HMGCL: variants seen among roughly 807,000 people sequenced by gnomAD.
HMGCL encodes the protein 3-hydroxy-3-methylglutaryl-CoA lyase.
HMGCL carries 26 observed loss-of-function variants against 37.3 expected under a neutral mutation model. The ratio of observed to expected loss-of-function variants is 0.70; its 90% CI spans 0.51 to 0.97. The LOEUF is 0.97. Among genes scored for constraint, HMGCL ranks in the 50% least tolerant of loss-of-function variants. The pLI is 0.00. For synonymous variants in HMGCL, 151 were observed against 148.0 expected, an observed-to-expected ratio of 1.02 and a Z score of -0.15; for missense variants, 379 against 398.1, an observed-to-expected ratio of 0.95 and a Z score of 0.41.
intron 5 of HMGCL, among the ~76,000 whole-genome samples, chr1:23,811,492 T>C (rs1436727449): frequency 2.6e-5 from 4 of 151,954 alleles, no homozygotes; most frequent in African/African-American, 4.8e-5. Flanking sequence ...TGGGAAATGA[T>C]AGGAACAAGT....
At chr1:23,822,400 C>T (rs1480838389) in intron 1 of HMGCL, among the ~76,000 whole-genome samples, 1 of 152,168 alleles carries the variant, frequency 6.6e-6, no homozygotes, top group Non-Finnish European at 1.5e-5. Context: ...TCAAGTAACA[C>T]AATACTTTTT....
At chr1:23,814,461 C>A in intron 4 of HMGCL, 123 bp from the exon 5 acceptor site, 1 of 1,121,106 alleles carries the variant, frequency 8.9e-7, no homozygotes, top group South Asian at 1.3e-5. Context: ...ACCTCCACCT[C>A]CTGGGTTCAA....
chr1:23,814,079 G>T, intron 5 of HMGCL, 111 bp downstream of exon 5: 1 of 1,152,930 alleles, frequency 8.7e-7, no homozygotes, highest in Non-Finnish European at 1.3e-6. Flanking sequence ...GTGGAGCTCA[G>T]GCTGCCCCCA....
chr1:23,818,037 A>G (rs1332194136), intron 2 of HMGCL, among the ~76,000 whole-genome samples: 1 of 152,232 alleles, frequency 6.6e-6, no homozygotes, highest in African/African-American at 2.4e-5. Flanking sequence ...AACATGGCAT[A>G]GTCTCAAGCC....
intron 2 of HMGCL, among the ~76,000 whole-genome samples, chr1:23,819,603 C>A (rs934675789): frequency 1.3e-5 from 2 of 151,984 alleles, no homozygotes; most frequent in South Asian, 2.1e-4. Context: ...GTGGCAGGGG[C>A]CTGTAATCCT....
At chr1:23,804,271 T>C (rs1385913765) in intron 8 of HMGCL, 129 bp downstream of exon 8, 2 of 1,151,956 alleles carry the variant, frequency 1.7e-6, no homozygotes, top group Admixed American at 1.9e-5. Flanking sequence ...CCACTGCGCC[T>C]GGCTAACCCT....
intron 5 of HMGCL, 163 bp downstream of exon 5, chr1:23,814,027 G>A (rs533933821): frequency 3.3e-4 from 257 of 774,272 alleles, no homozygotes; most frequent in Non-Finnish European, 4.9e-4. Context: ...TACTTCCTAG[G>A]ATTTCTTCTG....
chr1:23,805,654 C>T (rs927642960), intron 7 of HMGCL, among the ~76,000 whole-genome samples: 34 of 152,126 alleles, frequency 2.2e-4, no homozygotes, highest in Non-Finnish European at 2.9e-5. Context: ...CCTGAGGCCT[C>T]GATCCAGTCT....
At chr1:23,813,866 T>C (rs549596291) in intron 5 of HMGCL, 2 of 399,574 alleles carry the variant, frequency 5.0e-6, no homozygotes, top group South Asian at 4.4e-5. Flanking sequence ...TCCTTTAGCA[T>C]GATAGCAGTG....
At position 23,806,004 on chromosome 1, in the gene HMGCL, C is replaced by T. The variant is rs893115284; in HGVS notation, c.751-1479G>A. Among the ~76,000 whole-genome samples the T allele has an allele frequency of 2.6e-5, 4 of 151,906 alleles. No homozygotes were observed. The highest frequency in any genetic ancestry group is 9.7e-5 in the African/African-American group (4 of 41,334). ...TTGCCTAGGCTGGAGTGCACTGGCG[C>T]CATCTCAGCTCACTGCAAATCACTG... On this transcript the variant is annotated intron_variant, in intron 7 of 8. Transcript: ENST00000374490. This position sits in a 1 kb window ranked among gnomAD's most constrained non-coding sequence, Gnocchi z 4.0.
rs1638415331 is a variant in HMGCL, at chr1:23,806,606, G to A, written c.750+1529C>T. 4.4e-6 allele frequency: 1 copy of A among 228,832 alleles called. No individual in the cohort carries two copies. The highest frequency in any genetic ancestry group is 5.2e-5 in the Admixed American group (1 of 19,212). The allele number at this position is 228,832 out of a possible 1,614,324, so 14.2% of individuals were successfully genotyped here. A position where few individuals can be genotyped will look rare whatever the true frequency, so the allele number is the denominator to read the frequency against. On this transcript the variant is annotated intron_variant, in intron 7 of 8. Coordinates refer to ENST00000374490, the MANE Select transcript of HMGCL (RefSeq NM_000191.3). This position sits in a 1 kb window ranked among gnomAD's most constrained non-coding sequence, Gnocchi z 4.0. ...ACCTTCTGAGTGAGGCCACTCTACA[G>A]AAAGGCCTGGCACTGCCTTAACCTG...
At position 23,816,475 on chromosome 1, in the gene HMGCL, T is replaced by G. The variant is rs1557491753; in HGVS notation, c.348+200A>C. 6 of 661,316 alleles carry G rather than the reference T, an allele frequency of 9.1e-6. No individual in the cohort carries two copies. The Admixed American group carries it at 1.1e-4, about 13-fold the overall frequency. The allele number at this position is 661,316 out of a possible 1,614,324, so 41.0% of individuals were successfully genotyped here. A position where few individuals can be genotyped will look rare whatever the true frequency, so the allele number is the denominator to read the frequency against. The stretch of plus-strand genomic sequence containing the variant: ...GCTCACAACTTCAGGTACTATCATT[T>G]AGCCCTATTTTATAGGCTTGTCAAC... On this transcript the variant is annotated intron_variant, in intron 4 of 8. Coordinates refer to ENST00000374490, the MANE Select transcript of HMGCL (RefSeq NM_000191.3).
intron 1 of HMGCL, among the ~76,000 whole-genome samples, chr1:23,824,892 A>C (rs1251674041): frequency 2.6e-5 from 4 of 152,204 alleles, no homozygotes; most frequent in Non-Finnish European, 5.9e-5. Flanking sequence ...ATTCCAAGGG[A>C]ATCACAGCTT....
At chr1:23,817,417 G>T in intron 3 of HMGCL, 59 bp downstream of exon 3, 1 of 1,011,072 alleles carries the variant, frequency 9.9e-7, no homozygotes, top group Non-Finnish European at 1.6e-6. Context: ...TTGCTTCAAA[G>T]GCAAATGCAA....
chr1:23,802,658 AG>A, intron 8 of HMGCL, 94 bp from the exon 9 acceptor site: 2 of 857,962 alleles, frequency 2.3e-6, no homozygotes. Flanking sequence ...GATACTGAAA[AG>A]TAAAGGTGAA....
chr1:23,809,661 A>G (rs1259827086), intron 6 of HMGCL: 3 of 152,160 alleles, frequency 2.0e-5, no homozygotes, highest in Non-Finnish European at 4.4e-5. Flanking sequence ...TCCAATTGGA[A>G]TAAGCCATAC....
chr1:23,815,521 A>AGTC (rs911137248), intron 4 of HMGCL, among the ~76,000 whole-genome samples: 7 of 151,206 alleles, frequency 4.6e-5, no homozygotes, highest in African/African-American at 1.7e-4. Flanking sequence ...TTTGAGACAA[A>AGTC]GTCTTGCTCT....
rs988536831 is a variant in HMGCL, at chr1:23,802,125, C to G, written c.*338G>C. 86 of 555,798 alleles carry G rather than the reference C, an allele frequency of 1.5e-4. No homozygotes were observed. The highest frequency in any genetic ancestry group is 3.0e-4 in the African/African-American group (16 of 53,518). 34.4% of individuals were successfully genotyped at this position (555,798 alleles called of 1,614,324 possible). A position where few individuals can be genotyped will look rare whatever the true frequency, so the allele number is the denominator to read the frequency against. On this transcript the variant is annotated 3_prime_UTR_variant, in exon 9 of 9. Coordinates refer to ENST00000374490, the MANE Select transcript of HMGCL (RefSeq NM_000191.3). Reference sequence around the variant, plus strand: ...GTAGAGGGTGGCCAGGTGGCCAGCTCGCGGATTCCATCCAGAGAGGAGACT... The same window carrying G: ...GTAGAGGGTGGCCAGGTGGCCAGCTGGCGGATTCCATCCAGAGAGGAGACT...
At chr1:23,817,262 T>G (rs1638628759) in intron 3 of HMGCL, among the ~76,000 whole-genome samples, 1 of 152,294 alleles carries the variant, frequency 6.6e-6, no homozygotes, top group South Asian at 2.1e-4. Context: ...GCCTTAGCAA[T>G]GTCACTGAGC....
Sources: allele counts gnomAD v4.1 joint callset (sites outside exome capture counted in the v4.1 genomes callset), GRCh38; gene constraint gnomAD v4.1.1; non-coding constraint Gnocchi (gnomAD v3.1); transcripts MANE v1.5; gene names NCBI Gene and HGNC (gene_info 2026-07-23, HGNC 2026-07-21).